Variants in VRK2 observed in about 807,000 individuals in gnomAD.
VRK2 encodes the protein serine/threonine-protein kinase VRK2.
VRK2 carries 60 observed loss-of-function variants against 57.6 expected under a neutral mutation model. The observed-to-expected ratio is 1.04, with a 90% CI of 0.85 to 1.29. The LOEUF is 1.29. Ranked by LOEUF, VRK2 falls within the 50% of genes most tolerant of loss-of-function variation. VRK2 has a pLI of 0.00. For missense variants in VRK2, 705 were observed against 588.1 expected, an observed-to-expected ratio of 1.20 and a Z score of -2.06; for synonymous variants, 231 against 199.2, an observed-to-expected ratio of 1.16 and a Z score of -1.35.
At chr2:58,141,506 TAAAAA>T (rs760446494) in intron 11 of VRK2, among the ~76,000 whole-genome samples, 7 of 151,932 alleles carry the variant, frequency 4.6e-5, no homozygotes, top group Non-Finnish European at 5.9e-5. Flanking sequence ...AAAAAGCACT[TAAAAA>T]TAATACATGC....
rs544771475 is a variant in VRK2 at position 58,095,094 on chromosome 2, G to A, written c.543+5371G>A. On this transcript the variant is annotated intron_variant, in intron 7 of 12. Coordinates refer to ENST00000340157, the MANE Select transcript of VRK2 (RefSeq NM_006296.7). ...GTGGATCACGAGGTCAGGAGATAGA[G>A]ACCATCCTGGCTAACATGGTGAAAC... Among the ~76,000 whole-genome samples the A allele has an allele frequency of 8.4e-4, 128 of 152,220 alleles. 1 individual carries two copies. The highest frequency in any genetic ancestry group is 2.9e-3 in the African/African-American group (119 of 41,532).
At chr2:58,035,744 T>A (rs1674254541) in intron 3 of VRK2, among the ~76,000 whole-genome samples, 1 of 152,036 alleles carries the variant, frequency 6.6e-6, no homozygotes, top group Non-Finnish European at 1.5e-5. Context: ...CAAAGCTCCA[T>A]GATGTATGAA....
chr2:58,135,952 G>A (rs188361857), intron 10 of VRK2, among the ~76,000 whole-genome samples: 1 of 152,200 alleles, frequency 6.6e-6, no homozygotes, highest in Non-Finnish European at 1.5e-5. Context: ...TAATCAGAGT[G>A]AATCTTGTTT....
chr2:58,043,848 G>C (rs758271354), upstream of VRK2, among the ~76,000 whole-genome samples: 94 of 152,170 alleles, frequency 6.2e-4, no homozygotes, highest in Non-Finnish European at 1.0e-3. Context: ...CAATATAAGA[G>C]AGTTCCAAGT....
chr2:58,052,012 G>C (rs1022869584), intron 2 of VRK2, among the ~76,000 whole-genome samples: 1 of 152,116 alleles, frequency 6.6e-6, no homozygotes, highest in Non-Finnish European at 1.5e-5. Context: ...ATATCAGGAA[G>C]GAGAGAAAAC....
At chr2:58,068,327 A>G (rs1668904622) in intron 2 of VRK2, among the ~76,000 whole-genome samples, 1 of 151,990 alleles carries the variant, frequency 6.6e-6, no homozygotes, top group Non-Finnish European at 1.5e-5. Context: ...TCCAAAAGGT[A>G]TTTTTGCTGG....
chr2:57,933,457 C>T (rs1243111401), intron 1 of VRK2, among the ~76,000 whole-genome samples: 4 of 151,164 alleles, frequency 2.6e-5, no homozygotes, highest in African/African-American at 7.3e-5. Context: ...GGATTACAGG[C>T]ACCTGCCACC....
chr2:58,000,176 G>A (rs967757918), intron 1 of VRK2, among the ~76,000 whole-genome samples: 1 of 152,094 alleles, frequency 6.6e-6, no homozygotes, highest in African/African-American at 2.4e-5. Flanking sequence ...AGAAGGCAGA[G>A]ACATAAAATA....
Position 58,089,714 on chromosome 2 carries a change from T to C in VRK2, c.534T>C (p.Asn178=). Residue 178 remains asparagine (N), a synonymous_variant, in exon 7 of 13, where the codon AAT becomes AAC. Coordinates refer to ENST00000340157, the MANE Select transcript of VRK2 (RefSeq NM_006296.7). ...CAAATCTACTTTTGGGTTACAAAAATCCAGACCAGGTAAATACATACTTTT... is the reference window on the plus strand; with the variant it reads ...CAAATCTACTTTTGGGTTACAAAAACCCAGACCAGGTAAATACATACTTTT... ...KAANLLLGYK[N]PDQVYLADYG... is the part of the protein sequence containing the mutation. The C allele has an allele frequency of 1.2e-6, 2 of 1,606,156 alleles. No homozygotes were observed. Among genetic ancestry groups the C allele is most frequent in the Non-Finnish European group, 1.7e-6 (2 of 1,174,788 alleles).
chr2:58,147,535 C>T (rs991157858), intron 12 of VRK2, among the ~76,000 whole-genome samples: 3 of 151,750 alleles, frequency 2.0e-5, no homozygotes, highest in Non-Finnish European at 4.4e-5. Context: ...CCAAAATCAC[C>T]TGGTGTACAG....
intron 1 of VRK2, among the ~76,000 whole-genome samples, chr2:57,989,682 G>GTAT (rs1471739857): frequency 6.6e-6 from 1 of 152,116 alleles, no homozygotes; most frequent in Non-Finnish European, 1.5e-5. Flanking sequence ...AAGAAAATCT[G>GTAT]AAAGATAAGC....
chr2:57,933,572 T>C (rs1357907505), intron 1 of VRK2, among the ~76,000 whole-genome samples: 1 of 151,804 alleles, frequency 6.6e-6, no homozygotes, highest in Non-Finnish European at 1.5e-5. Context: ...CCTCCCAAAG[T>C]GCTGGGATTA....
At chr2:58,096,254 T>C (rs1431243897) in intron 7 of VRK2, among the ~76,000 whole-genome samples, 1 of 152,082 alleles carries the variant, frequency 6.6e-6, no homozygotes, top group Non-Finnish European at 1.5e-5. Context: ...TTGTTCTGTT[T>C]TTATCATATT....
Position 58,107,646 on chromosome 2 carries a change from A to T in VRK2, c.544-15455A>T, listed in dbSNP as rs137924856. On this transcript the variant is annotated intron_variant, in intron 7 of 12. Transcript: ENST00000340157. Reference sequence around the variant, plus strand: ...TACAACAGGAAAAATTAGTTTACTTAATATTGTTCTTCATAAGAGACCTCA... The same window carrying T: ...TACAACAGGAAAAATTAGTTTACTTTATATTGTTCTTCATAAGAGACCTCA... 3.0e-4 allele frequency among the ~76,000 whole-genome samples: 45 copies of T among 152,304 alleles called. 1 individual carries two copies. In the East Asian group the frequency reaches 8.7e-3, roughly 29 times the overall value.
chr2:57,942,418 T>C (rs986157339), intron 1 of VRK2, among the ~76,000 whole-genome samples: 11 of 152,228 alleles, frequency 7.2e-5, no homozygotes, highest in African/African-American at 2.4e-4. Context: ...AGCAATTACC[T>C]TTCTTGCACC....
intron 1 of VRK2, among the ~76,000 whole-genome samples, chr2:57,947,115 A>G (rs1671285692): frequency 6.6e-6 from 1 of 152,218 alleles, no homozygotes; most frequent in South Asian, 2.1e-4. Flanking sequence ...CAGCTTTCCA[A>G]AACTCGTTAC....
At chr2:58,052,862 T>C (rs1270985649) in intron 2 of VRK2, among the ~76,000 whole-genome samples, 1 of 152,242 alleles carries the variant, frequency 6.6e-6, no homozygotes, top group Non-Finnish European at 1.5e-5. Context: ...TTAAAGCTAT[T>C]GGTTTCAGAA....
intron 2 of VRK2, among the ~76,000 whole-genome samples, chr2:58,069,046 A>G (rs544349735): frequency 3.3e-5 from 5 of 152,114 alleles, no homozygotes; most frequent in Non-Finnish European, 7.4e-5. Context: ...CTTTTCATAT[A>G]TGAGTTTTTT....
chr2:57,942,326 G>T (rs1197477104), intron 1 of VRK2, among the ~76,000 whole-genome samples: 1 of 152,154 alleles, frequency 6.6e-6, no homozygotes, highest in Non-Finnish European at 1.5e-5. Context: ...TAAAAATTAT[G>T]CAGAGGAAGA....
Sources: gnomAD v4.1 joint callset for allele counts (sites outside exome capture counted in the v4.1 genomes callset) on GRCh38, gnomAD v4.1.1 for gene constraint, MANE v1.5 for transcripts, NCBI Gene and HGNC (gene_info 2026-07-23, HGNC 2026-07-21) for gene names.